Variants in ATXN7L1 observed in about 807,000 individuals in gnomAD.
The protein encoded by ATXN7L1 is ataxin-7-like protein 1.
In ATXN7L1, 15 loss-of-function variants were observed where a neutral mutation model predicts 70.8. The ratio of observed to expected loss-of-function variants is 0.21; its 90% CI spans 0.14 to 0.33. The LOEUF (loss-of-function observed/expected upper bound fraction) is 0.33. ATXN7L1 is among the 10% of genes least tolerant of loss of function. ATXN7L1 has a pLI of 1.00. For missense variants in ATXN7L1, 975 were observed against 1,097.1 expected, an observed-to-expected ratio of 0.89 and a Z score of 1.57; for synonymous variants, 440 against 445.1, an observed-to-expected ratio of 0.99 and a Z score of 0.14.
chr7:105,645,107 GT>G (rs1002924857), intron 4 of ATXN7L1, among the ~76,000 whole-genome samples: 4 of 151,766 alleles, frequency 2.6e-5, no homozygotes, highest in Admixed American at 2.6e-4. Context: ...AGAATGGGCA[GT>G]TTTTTTTAAT....
intron 2 of ATXN7L1, among the ~76,000 whole-genome samples, chr7:105,801,386 T>C (rs1331956181): frequency 1.3e-5 from 2 of 152,176 alleles, no homozygotes; most frequent in Non-Finnish European, 1.5e-5. Context: ...CCATCTCAGA[T>C]CTAGGAAATC....
At chr7:105,725,823 C>T (rs920002128) in intron 3 of ATXN7L1, among the ~76,000 whole-genome samples, 6 of 151,878 alleles carry the variant, frequency 4.0e-5, no homozygotes, top group African/African-American at 1.2e-4. Context: ...TCAGGAGATC[C>T]GCCCGCCTTG....
intron 3 of ATXN7L1, chr7:105,761,213 T>C (rs1159081970): frequency 6.9e-7 from 1 of 1,444,982 alleles, no homozygotes; most frequent in Non-Finnish European, 9.1e-7. Context: ...CCCATTTCCT[T>C]ACTAGATCCT....
At chr7:105,822,728 G>C (rs1303205060) in intron 2 of ATXN7L1, among the ~76,000 whole-genome samples, 1 of 152,160 alleles carries the variant, frequency 6.6e-6, no homozygotes, top group Non-Finnish European at 1.5e-5. Context: ...AGCTTGCCCA[G>C]TATCTCATAG....
At chr7:105,649,564 C>A (rs935311607) in intron 4 of ATXN7L1, 2 of 987,812 alleles carry the variant, frequency 2.0e-6, no homozygotes, top group Middle Eastern at 2.8e-4. Flanking sequence ...GTGATGTCTG[C>A]AAAAGAACAG....
chr7:105,792,087 C>T (rs1474767610), intron 2 of ATXN7L1, among the ~76,000 whole-genome samples: 1 of 152,186 alleles, frequency 6.6e-6, no homozygotes, highest in Non-Finnish European at 1.5e-5. Context: ...CTGCAGAGCC[C>T]ATCCCGTCTC....
chr7:105,751,147 T>C (rs1279560909), intron 3 of ATXN7L1, among the ~76,000 whole-genome samples: 1 of 152,196 alleles, frequency 6.6e-6, no homozygotes, highest in African/African-American at 2.4e-5. Context: ...TGCAGTCTAG[T>C]GGCTTTCAGC....
Position 105,663,254 on chromosome 7 carries a change from C to T in ATXN7L1, c.578+1812G>A, listed in dbSNP as rs542249222. Among the ~76,000 whole-genome samples, 10 of 152,316 alleles carry T rather than the reference C, an allele frequency of 6.6e-5. 1 individual carries two copies. Among genetic ancestry groups the T allele is most frequent in the African/African-American group, 2.2e-4 (9 of 41,564 alleles). On this transcript the variant is annotated intron_variant, in intron 4 of 11. Coordinates refer to ENST00000419735, the MANE Select transcript of ATXN7L1 (RefSeq NM_020725.2). ...GCTACAGCCTCCTGCAGGATGGACC[C>T]GCAATCCCAACAACCCAAGGAGAAC...
chr7:105,838,694 T>C (rs1261924257), intron 2 of ATXN7L1, among the ~76,000 whole-genome samples: 1 of 152,200 alleles, frequency 6.6e-6, no homozygotes, highest in African/African-American at 2.4e-5. Flanking sequence ...TCTTCCCTGA[T>C]TGTTCCACTC....
chr7:105,829,866 A>G (rs573718019), intron 2 of ATXN7L1, among the ~76,000 whole-genome samples: 1 of 152,376 alleles, frequency 6.6e-6, no homozygotes, highest in South Asian at 2.1e-4. Context: ...GAAGAGGTTG[A>G]AAAGAAAACA....
chr7:105,732,037 G>A (rs1483532436), intron 3 of ATXN7L1, among the ~76,000 whole-genome samples: 1 of 152,060 alleles, frequency 6.6e-6, no homozygotes, highest in Non-Finnish European at 1.5e-5. Flanking sequence ...AGGTTGCAGT[G>A]AACTGAGATT....
intron 3 of ATXN7L1, among the ~76,000 whole-genome samples, chr7:105,678,652 A>G (rs570386032): frequency 1.1e-4 from 17 of 152,336 alleles, no homozygotes; most frequent in African/African-American, 4.1e-4. Context: ...TAGATAATAC[A>G]CGGACATAAA....
rs576604021 is a variant in ATXN7L1 at position 105,697,854 on chromosome 7, C to T, written c.356-32566G>A. 2.6e-5 allele frequency among the ~76,000 whole-genome samples: 4 copies of T among 152,330 alleles called. No homozygotes were observed. In the East Asian group the frequency reaches 7.7e-4, roughly 29 times the overall value. ...TCAGCCGGTCCCTCTGTTTGGGGTC[C>T]CTGACTTCCTGCAACAGCTGGGGCC... On this transcript the variant is annotated intron_variant, in intron 3 of 11. Transcript: ENST00000419735.
intron 7 of ATXN7L1, among the ~76,000 whole-genome samples, 180 bp from the exon 8 acceptor site, chr7:105,624,447 C>T (rs1038436929): frequency 7.9e-5 from 12 of 152,150 alleles, no homozygotes; most frequent in Admixed American, 2.0e-4. Flanking sequence ...GTCAGGAGAT[C>T]GAGACCATCC....
intron 11 of ATXN7L1, among the ~76,000 whole-genome samples, 191 bp downstream of exon 11, chr7:105,610,338 A>T (rs1360845999): frequency 6.6e-6 from 1 of 152,232 alleles, no homozygotes; most frequent in Non-Finnish European, 1.5e-5. Context: ...GAGGAAATGG[A>T]AGCACAGAGA....
chr7:105,772,920 A>G (rs1802210255), intron 3 of ATXN7L1, among the ~76,000 whole-genome samples: 1 of 152,258 alleles, frequency 6.6e-6, no homozygotes, highest in Non-Finnish European at 1.5e-5. Flanking sequence ...AGACATTTAC[A>G]AAAGTGGTTC....
intron 3 of ATXN7L1, among the ~76,000 whole-genome samples, chr7:105,703,156 T>G (rs1792691807): frequency 6.7e-6 from 1 of 149,788 alleles, no homozygotes; most frequent in Non-Finnish European, 1.5e-5. Flanking sequence ...CCCAAAAAAT[T>G]AGCTGGGCGT....
chr7:105,634,645 T>C (rs1436399371), intron 7 of ATXN7L1, among the ~76,000 whole-genome samples: 2 of 152,234 alleles, frequency 1.3e-5, no homozygotes, highest in East Asian at 3.9e-4. Context: ...CGTGAGCCAC[T>C]GCGCCTGGCC....
intron 3 of ATXN7L1, among the ~76,000 whole-genome samples, chr7:105,685,716 G>T (rs1454891541): frequency 6.6e-6 from 1 of 152,172 alleles, no homozygotes; most frequent in African/African-American, 2.4e-5. Flanking sequence ...GTTACTTTTA[G>T]CTCCCCTACG....
Sources: gnomAD v4.1 joint callset for allele counts (sites outside exome capture counted in the v4.1 genomes callset) on GRCh38, gnomAD v4.1.1 for gene constraint, MANE v1.5 for transcripts, NCBI Gene and HGNC (gene_info 2026-07-23, HGNC 2026-07-21) for gene names.